The following NEIL3 variants were observed in gnomAD, a reference collection of about 807,000 sequenced individuals.
NEIL3 encodes endonuclease 8-like 3.
In NEIL3, 48 loss-of-function variants were observed where a neutral mutation model predicts 57.5. The observed-to-expected ratio is 0.83, with a 90% CI of 0.66 to 1.06. The LOEUF (loss-of-function observed/expected upper bound fraction) is 1.06. NEIL3 is among the 50% of genes least tolerant of loss of function. The probability of loss-of-function intolerance (pLI) is 0.00; values close to 1 mark genes in which losing one functional copy is unlikely to be tolerated. For synonymous variants in NEIL3, 261 were observed against 253.2 expected, an observed-to-expected ratio of 1.03 and a Z score of -0.29; for missense variants, 717 against 739.1, an observed-to-expected ratio of 0.97 and a Z score of 0.35.
intron 6 of NEIL3, among the ~76,000 whole-genome samples, chr4:177,343,946 A>G (rs766775850): frequency 9.2e-5 from 14 of 152,128 alleles, no homozygotes; most frequent in South Asian, 2.1e-4. Context: ...ATATTTGTCT[A>G]CTAAATAAAT....
At chr4:177,341,049 G>A (rs1271178768) in intron 5 of NEIL3, among the ~76,000 whole-genome samples, 1 of 151,816 alleles carries the variant, frequency 6.6e-6, no homozygotes, top group Admixed American at 6.6e-5. Flanking sequence ...TAAGTTTTTT[G>A]GTTGTTGAAA....
At chr4:177,316,024 G>A (rs1216828772) in intron 1 of NEIL3, among the ~76,000 whole-genome samples, 1 of 152,108 alleles carries the variant, frequency 6.6e-6, no homozygotes, top group Non-Finnish European at 1.5e-5. Flanking sequence ...GCATAGTATC[G>A]AACCCTATAT....
chr4:177,367,533 T>A (rs1173061632), downstream of NEIL3, among the ~76,000 whole-genome samples: 1 of 152,090 alleles, frequency 6.6e-6, no homozygotes, highest in Non-Finnish European at 1.5e-5. Context: ...TACCACTAGG[T>A]GGAGGGAAGC....
chr4:177,352,526 T>C (rs1356948755), intron 7 of NEIL3, among the ~76,000 whole-genome samples: 1 of 152,182 alleles, frequency 6.6e-6, no homozygotes, highest in African/African-American at 2.4e-5. Context: ...TGTGAAACAT[T>C]GTATTTAATA....
In NEIL3 at chr4:177,341,438, T is replaced by C. The variant is rs535721891; in HGVS notation, c.703-38T>C. On this transcript the variant is annotated intron_variant, in intron 5 of 9. Transcript: ENST00000264596. ...CTTTGGCTCCTTGGCAGCACTGTTT[T>C]GTGGATAACAGAATTTTTTGGTTTT... The C allele has an allele frequency of 2.7e-5, 41 of 1,540,124 alleles. No homozygotes were observed. In the South Asian group the frequency reaches 4.6e-4, roughly 17 times the overall value.
chr4:177,345,737 C>T (rs1481211906), intron 6 of NEIL3, among the ~76,000 whole-genome samples: 2 of 136,990 alleles, frequency 1.5e-5, no homozygotes, highest in African/African-American at 5.5e-5. Flanking sequence ...TCACCCAGGC[C>T]GGAGTGCAGT....
At chr4:177,340,600 G>A (rs1053862256) in intron 5 of NEIL3, among the ~76,000 whole-genome samples, 1 of 152,062 alleles carries the variant, frequency 6.6e-6, no homozygotes, top group Non-Finnish European at 1.5e-5. Flanking sequence ...GAGTAACTAT[G>A]GCTATTTTTA....
At chr4:177,312,402 A>G (rs1054418858) in intron 1 of NEIL3, among the ~76,000 whole-genome samples, 13 of 152,302 alleles carry the variant, frequency 8.5e-5, no homozygotes, top group African/African-American at 2.6e-4. Flanking sequence ...AATGCTCAGT[A>G]TATAGTAGTG....
At chr4:177,330,402 T>C (rs1333216418) in intron 2 of NEIL3, among the ~76,000 whole-genome samples, 1 of 152,050 alleles carries the variant, frequency 6.6e-6, no homozygotes, top group Non-Finnish European at 1.5e-5. Flanking sequence ...AATAAAATTC[T>C]CTAAGATTTA....
At chr4:177,356,021 A>G (rs1330212565) in intron 8 of NEIL3, among the ~76,000 whole-genome samples, 1 of 152,200 alleles carries the variant, frequency 6.6e-6, no homozygotes, top group Non-Finnish European at 1.5e-5. Flanking sequence ...CTCATGATAG[A>G]AGTTCATTAA....
intron 6 of NEIL3, 91 bp downstream of exon 6, chr4:177,341,733 C>A: frequency 2.7e-6 from 3 of 1,114,366 alleles, no homozygotes; most frequent in Non-Finnish European, 3.8e-6. Context: ...AACTGTCAGG[C>A]TATTCAGAAG....
In NEIL3 at chr4:177,309,888, G is replaced by T; in HGVS notation, c.-66G>T. On this transcript the variant is annotated 5_prime_UTR_variant, in exon 1 of 10. Coordinates refer to ENST00000264596, the MANE Select transcript of NEIL3 (RefSeq NM_018248.3). ...TGCGTGCGGTCAGTGCCCGCGCAGC[G>T]TTGAGTTGCACAGCGGTATTCTCAC... 1.3e-6 allele frequency: 2 copies of T among 1,546,424 alleles called. No individual in the cohort carries two copies. Among genetic ancestry groups the T allele is most frequent in the Non-Finnish European group, 1.7e-6 (2 of 1,150,092 alleles).
intron 1 of NEIL3, among the ~76,000 whole-genome samples, chr4:177,316,882 G>C (rs1734584031): frequency 6.6e-6 from 1 of 152,152 alleles, no homozygotes; most frequent in African/African-American, 2.4e-5. Context: ...TTATCCTACT[G>C]TCCAGGTGGG....
At chr4:177,338,687 T>G (rs1735026105) in intron 4 of NEIL3, among the ~76,000 whole-genome samples, 1 of 152,206 alleles carries the variant, frequency 6.6e-6, no homozygotes, top group African/African-American at 2.4e-5. Context: ...CAGAAAAAAA[T>G]TCTTCAGTAA....
chr4:177,321,032 C>G (rs1400553729), intron 1 of NEIL3, among the ~76,000 whole-genome samples: 8 of 151,176 alleles, frequency 5.3e-5, no homozygotes, highest in Non-Finnish European at 8.8e-5. Context: ...TTAACAAAGA[C>G]CAATTTAGTG....
chr4:177,353,765 C>CA, intron 8 of NEIL3, 37 bp downstream of exon 8: 5 of 1,214,652 alleles, frequency 4.1e-6, no homozygotes, highest in Non-Finnish European at 4.6e-6. Flanking sequence ...AAGATAATTG[C>CA]TTTTTTTTTT....
chr4:177,362,383 TTGTG>T lies in NEIL3; in HGVS notation c.1734_1737del (p.Cys579LeufsTer20). 6.2e-7 allele frequency: 1 copy of T among 1,613,902 alleles called. No homozygotes were observed. Among genetic ancestry groups the T allele is most frequent in the Non-Finnish European group, 8.5e-7 (1 of 1,179,890 alleles). On this transcript the variant is annotated frameshift_variant, in exon 10 of 10. Coordinates refer to ENST00000264596, the MANE Select transcript of NEIL3 (RefSeq NM_018248.3). LOFTEE classifies it high-confidence loss of function. ...GGACCTAACAATGGAAAGAATTTTT[TTGTG>T]TGTCCTCTTGGGAAGGAAAAACAAT... is the stretch of plus-strand genomic sequence containing the variant.
intron 1 of NEIL3, among the ~76,000 whole-genome samples, chr4:177,316,423 T>G (rs976535988): frequency 2.6e-5 from 4 of 152,300 alleles, no homozygotes; most frequent in African/African-American, 9.6e-5. Context: ...TTACTTCCAT[T>G]ATAGCTTCTA....
intron 2 of NEIL3, among the ~76,000 whole-genome samples, chr4:177,330,488 TAAG>T (rs1202382903): frequency 6.6e-6 from 1 of 151,540 alleles, no homozygotes; most frequent in Non-Finnish European, 1.5e-5. Context: ...ATAATGAAGA[TAAG>T]AACAGAAATC....
Sources: gnomAD v4.1 joint callset for allele counts (sites outside exome capture counted in the v4.1 genomes callset) on GRCh38, gnomAD v4.1.1 for gene constraint, MANE v1.5 for transcripts, NCBI Gene and HGNC (gene_info 2026-07-23, HGNC 2026-07-21) for gene names.